NR3C1: variants seen among roughly 807,000 people sequenced by gnomAD.
The protein encoded by NR3C1 is glucocorticoid receptor.
In NR3C1, 14 loss-of-function variants were observed where a neutral mutation model predicts 74.0. The ratio of observed to expected loss-of-function variants is 0.19; its 90% confidence interval spans 0.12 to 0.30. NR3C1 has a LOEUF of 0.30. Among genes scored for constraint, NR3C1 ranks in the 10% least tolerant of loss-of-function variants. The pLI is 1.00. For synonymous variants in NR3C1, 308 were observed against 332.5 expected, an observed-to-expected ratio of 0.93 and a Z score of 0.80; for missense variants, 695 against 909.8, an observed-to-expected ratio of 0.76 and a Z score of 3.04.
intron 2 of NR3C1, among the ~76,000 whole-genome samples, chr5:143,387,185 T>C (rs757588476): frequency 2.0e-5 from 3 of 152,224 alleles, no homozygotes; most frequent in African/African-American, 4.8e-5. Context: ...TTCCAGCCTT[T>C]CTACCTTACT....
chr5:143,368,534 TACACACACACAC>T (rs201482184), intron 2 of NR3C1, among the ~76,000 whole-genome samples: 11 of 144,958 alleles, frequency 7.6e-5, no homozygotes, highest in East Asian at 6.0e-4. Flanking sequence ...ATATTCTAGA[TACACACACACAC>T]ACACACACAC....
intron 1 of NR3C1, among the ~76,000 whole-genome samples, chr5:143,411,181 G>A (rs1841280175): frequency 6.6e-6 from 1 of 152,162 alleles, no homozygotes; most frequent in South Asian, 2.1e-4. Flanking sequence ...TTGGTAGTTT[G>A]AAATCAACCA....
chr5:143,422,282 ATCTT>A (rs909026636), intron 1 of NR3C1, among the ~76,000 whole-genome samples: 6 of 152,176 alleles, frequency 3.9e-5, no homozygotes, highest in African/African-American at 7.2e-5. Context: ...CATCCCAAGT[ATCTT>A]GATTTTAGTG....
intron 6 of NR3C1, among the ~76,000 whole-genome samples, chr5:143,298,017 A>G (rs1390692550): frequency 6.6e-6 from 1 of 152,208 alleles, no homozygotes; most frequent in African/African-American, 2.4e-5. Context: ...ACATTAGCCA[A>G]CATGATGAAC....
intron 2 of NR3C1, among the ~76,000 whole-genome samples, chr5:143,369,397 TG>T (rs1259479302): frequency 6.6e-6 from 1 of 152,188 alleles, no homozygotes; most frequent in African/African-American, 2.4e-5. Context: ...TGTATATGAA[TG>T]TTCTTAACAG....
At chr5:143,377,665 T>C (rs941340828) in intron 2 of NR3C1, among the ~76,000 whole-genome samples, 12 of 152,370 alleles carry the variant, frequency 7.9e-5, no homozygotes, top group South Asian at 2.1e-4. Context: ...CCTTCACTGA[T>C]ACACCCTATC....
At chr5:143,411,900 G>A (rs994519398) in intron 1 of NR3C1, among the ~76,000 whole-genome samples, 3 of 151,988 alleles carry the variant, frequency 2.0e-5, no homozygotes, top group African/African-American at 7.2e-5. Context: ...CAGGCACATT[G>A]GCCCAAGGAA....
chr5:143,423,967 G>A (rs765951354), intron 1 of NR3C1, among the ~76,000 whole-genome samples: 3 of 146,468 alleles, frequency 2.0e-5, no homozygotes, highest in Non-Finnish European at 3.0e-5. Flanking sequence ...GATAAAGAGG[G>A]GGTGTTTAAC....
intron 1 of NR3C1, among the ~76,000 whole-genome samples, chr5:143,422,317 G>T (rs1751279817): frequency 6.6e-6 from 1 of 152,162 alleles, no homozygotes; most frequent in Non-Finnish European, 1.5e-5. Flanking sequence ...AGACAGTATG[G>T]CATAGTATTT....
chr5:143,335,458 T>C (rs1826946064), intron 2 of NR3C1, among the ~76,000 whole-genome samples: 2 of 152,228 alleles, frequency 1.3e-5, no homozygotes, highest in African/African-American at 2.4e-5. Flanking sequence ...AATTGGAAGA[T>C]ACTTTTACAT....
intron 2 of NR3C1, among the ~76,000 whole-genome samples, chr5:143,337,443 G>A (rs755693587): frequency 2.0e-4 from 31 of 152,168 alleles, no homozygotes; most frequent in Non-Finnish European, 3.1e-4. Context: ...GTCCTATGAT[G>A]TAGCAACTCC....
intron 2 of NR3C1, among the ~76,000 whole-genome samples, chr5:143,396,848 G>A (rs1232098112): frequency 6.6e-6 from 1 of 151,686 alleles, no homozygotes; most frequent in Non-Finnish European, 1.5e-5. Flanking sequence ...AACCATTTCT[G>A]TTCTCTACCT....
At chr5:143,379,938 G>T (rs1298424020) in intron 2 of NR3C1, among the ~76,000 whole-genome samples, 1 of 152,158 alleles carries the variant, frequency 6.6e-6, no homozygotes, top group Non-Finnish European at 1.5e-5. Flanking sequence ...AAAGCAGTCA[G>T]CTCTAAACTG....
intron 2 of NR3C1, among the ~76,000 whole-genome samples, chr5:143,344,282 A>G (rs1828800941): frequency 6.6e-6 from 1 of 152,228 alleles, no homozygotes; most frequent in Non-Finnish European, 1.5e-5. Flanking sequence ...CCAATTCTTA[A>G]ATTTTATTTC....
At chr5:143,357,510 TCA>T (rs1452404973) in intron 2 of NR3C1, among the ~76,000 whole-genome samples, 1 of 152,206 alleles carries the variant, frequency 6.6e-6, no homozygotes, top group African/African-American at 2.4e-5. Context: ...TCTGTAATCC[TCA>T]GTGTGCAGCT....
At chr5:143,366,941 T>C (rs1833325779) in intron 2 of NR3C1, among the ~76,000 whole-genome samples, 1 of 152,180 alleles carries the variant, frequency 6.6e-6, no homozygotes, top group Non-Finnish European at 1.5e-5. Flanking sequence ...TAGTAAACTA[T>C]ACAGCTTACT....
chr5:143,314,287 A>C (rs1392680121), intron 2 of NR3C1, 119 bp from the exon 3 acceptor site: 4 of 992,092 alleles, frequency 4.0e-6, no homozygotes, highest in Non-Finnish European at 6.3e-6. Flanking sequence ...TTCAAGTGCT[A>C]GCAGGCACTA....
At chr5:143,371,630 T>C (rs916006961) in intron 2 of NR3C1, among the ~76,000 whole-genome samples, 1 of 152,258 alleles carries the variant, frequency 6.6e-6, no homozygotes, top group Non-Finnish European at 1.5e-5. Context: ...CCCATCCCTG[T>C]CTCTTACCAG....
At chr5:143,299,756 A>G (rs1818111836) in intron 5 of NR3C1, among the ~76,000 whole-genome samples, 1 of 152,220 alleles carries the variant, frequency 6.6e-6, no homozygotes, top group East Asian at 1.9e-4. Context: ...TATTGATTTT[A>G]AAAAACAGAA....
Sources: allele counts gnomAD v4.1 joint callset (sites outside exome capture counted in the v4.1 genomes callset), GRCh38; gene constraint gnomAD v4.1.1; transcripts MANE v1.5; gene names NCBI Gene and HGNC (gene_info 2026-07-23, HGNC 2026-07-21).